TBC1D31: variants seen among roughly 807,000 people sequenced by gnomAD.
TBC1D31 encodes WD repeat domain 67.
A neutral mutation model predicts 132.9 loss-of-function variants in TBC1D31; 99 were observed. The ratio of observed to expected loss-of-function variants is 0.74; its 90% CI spans 0.63 to 0.88. TBC1D31 has a LOEUF of 0.88. Among genes scored for constraint, TBC1D31 ranks in the 40% least tolerant of loss-of-function variants. The pLI, the probability that TBC1D31 is intolerant of heterozygous loss-of-function variation, is 0.00. For synonymous variants in TBC1D31, 385 were observed against 419.4 expected (o/e 0.92, Z 1.00); for missense variants, 1,134 against 1,256.6 (o/e 0.90, Z 1.48).
In TBC1D31 at chr8:123,142,446, A is replaced by C; in HGVS notation, c.2825A>C (p.Glu942Ala). ...ATAATAAATGCAATGGTGGAGGAGG[A>C]AGCCAAGAAGGTAAAAAATAGTGTT... ...IEIINAMVEEEAKKWKEAEGK... is the reference protein window; with the variant it reads ...IEIINAMVEEAAKKWKEAEGK... Residue 942 changes from glutamate (E) to alanine (A), a missense_variant, in exon 19 of 22, where the codon GAA becomes GCA. Coordinates refer to ENST00000287380, the MANE Select transcript of TBC1D31 (RefSeq NM_145647.4). 6.4e-7 allele frequency: 1 copy of C among 1,564,530 alleles called. No homozygotes were observed. The highest frequency in any genetic ancestry group is 8.6e-7 in the Non-Finnish European group (1 of 1,160,700).
At chr8:123,102,226 T>C (rs750821181) in intron 7 of TBC1D31, 5 of 456,656 alleles carry the variant, frequency 1.1e-5, no homozygotes, top group African/African-American at 2.0e-5. Flanking sequence ...TCACCTGGTC[T>C]AACCCTTTCA....
At chr8:123,090,267 A>G (rs1283785935) in intron 4 of TBC1D31, among the ~76,000 whole-genome samples, 1 of 152,230 alleles carries the variant, frequency 6.6e-6, no homozygotes, top group Non-Finnish European at 1.5e-5. Flanking sequence ...ATATTAAGTA[A>G]TTTGTTCAGT....
intron 16 of TBC1D31, among the ~76,000 whole-genome samples, chr8:123,131,600 G>C (rs1305238406): frequency 2.6e-5 from 4 of 151,954 alleles, no homozygotes; most frequent in Non-Finnish European, 4.4e-5. Context: ...TGAATTAATA[G>C]CTTATTTAAT....
intron 20 of TBC1D31, among the ~76,000 whole-genome samples, chr8:123,145,462 T>C (rs774748172): frequency 9.9e-5 from 15 of 152,208 alleles, no homozygotes; most frequent in Non-Finnish European, 1.9e-4. Flanking sequence ...AGAACAACAG[T>C]ATATTCAAGT....
chr8:123,081,383 A>G (rs557801176), intron 2 of TBC1D31, among the ~76,000 whole-genome samples: 1 of 77,632 alleles, frequency 1.3e-5, no homozygotes, highest in East Asian at 3.0e-4. Flanking sequence ...AATCTTCTAG[A>G]TTGGGCTCCC....
rs1818233120 is a variant in TBC1D31, at chr8:123,109,206, T to C, written c.1210-111T>C. The C allele has an allele frequency of 1.3e-5, 9 of 717,524 alleles. No individual in the cohort carries two copies. The South Asian group carries it at 1.6e-4, about 13-fold the overall frequency. The allele number at this position is 717,524 out of a possible 1,614,324, so 44.4% of individuals were successfully genotyped here. ...AGACCTATGATACACAAATATGTCT[T>C]ACTATGTGTTGTTTTCTAAAGTTGG... On this transcript the variant is annotated intron_variant, in intron 8 of 21. Transcript: ENST00000287380.
chr8:123,105,425 A>G lies in TBC1D31; in HGVS notation c.1170A>G (p.Ile390Met). The change falls in exon 8 of 22, where the codon ATA becomes ATG. Residue 390 changes from isoleucine (I) to methionine (M), a missense_variant. Ile to Met is a conservative substitution (Grantham distance 10). Coordinates refer to ENST00000287380, the MANE Select transcript of TBC1D31 (RefSeq NM_145647.4). The part of the protein sequence containing the change: ...KSRESKMQTR[I>M]LKQDLTGDFE... ...GGGAAAGCAAAATGCAAACTAGAAT[A>G]TTAAAACAAGACCTGACTGGTGATT... The G allele has an allele frequency of 1.2e-6, 2 of 1,612,356 alleles. No individual in the cohort carries two copies. The highest frequency in any genetic ancestry group is 8.5e-7 in the Non-Finnish European group (1 of 1,179,208).
chr8:123,103,941 T>C (rs1186353777), intron 7 of TBC1D31: 1 of 152,224 alleles, frequency 6.6e-6, no homozygotes, highest in African/African-American at 2.4e-5. Flanking sequence ...TTCAATTCTA[T>C]ATTCTCTATA....
downstream of TBC1D31, among the ~76,000 whole-genome samples, chr8:123,153,082 T>A (rs1453513539): frequency 6.6e-6 from 1 of 152,122 alleles, no homozygotes; most frequent in Non-Finnish European, 1.5e-5. Flanking sequence ...TTCCCAAGAG[T>A]ATTTTTCTCA....
intron 10 of TBC1D31, among the ~76,000 whole-genome samples, chr8:123,117,731 C>T (rs1458336459): frequency 2.4e-5 from 3 of 126,422 alleles, no homozygotes; most frequent in East Asian, 4.8e-4. Flanking sequence ...CCAGCCTGGG[C>T]GACAGAGCGA....
intron 6 of TBC1D31, among the ~76,000 whole-genome samples, chr8:123,098,585 G>A (rs1339724816): frequency 6.6e-6 from 1 of 152,202 alleles, no homozygotes; most frequent in African/African-American, 2.4e-5. Context: ...ACTGCGCCCA[G>A]TCTACCTTTT....
chr8:123,113,909 C>G (rs1009130675), intron 10 of TBC1D31, among the ~76,000 whole-genome samples: 1 of 152,042 alleles, frequency 6.6e-6, no homozygotes, highest in Admixed American at 6.6e-5. Context: ...AATGAGTGAG[C>G]CTTTTTTTTC....
intron 4 of TBC1D31, among the ~76,000 whole-genome samples, chr8:123,090,197 T>G (rs1816195652): frequency 1.3e-5 from 2 of 152,222 alleles, no homozygotes; most frequent in African/African-American, 2.4e-5. Context: ...TAGATATTAT[T>G]ATCCCCATTT....
intron 4 of TBC1D31, among the ~76,000 whole-genome samples, chr8:123,088,257 G>A (rs1042388306): frequency 6.6e-6 from 1 of 151,830 alleles, no homozygotes; most frequent in Non-Finnish European, 1.5e-5. Flanking sequence ...TTTCTTAAAG[G>A]GCCAGTAAAT....
intron 1 of TBC1D31, among the ~76,000 whole-genome samples, chr8:123,074,529 T>C (rs1009911777): frequency 1.3e-5 from 2 of 152,232 alleles, no homozygotes; most frequent in Non-Finnish European, 2.9e-5. Flanking sequence ...CTCCCACCTC[T>C]GGTATTCTCT....
chr8:123,155,178 G>T (rs1018524857), downstream of TBC1D31, among the ~76,000 whole-genome samples: 1 of 152,074 alleles, frequency 6.6e-6, no homozygotes, highest in East Asian at 1.9e-4. The surrounding 1 kb of genome is among the most constrained non-coding windows in gnomAD (Gnocchi z 4.1). Context: ...GGAATGTAGG[G>T]GTGGATTGAT....
chr8:123,117,688 G>T (rs1180398348), intron 10 of TBC1D31, among the ~76,000 whole-genome samples: 1 of 149,234 alleles, frequency 6.7e-6, no homozygotes, highest in African/African-American at 2.5e-5. Flanking sequence ...GGGAGGCGGA[G>T]GTTGCAGTGA....
At chr8:123,155,883 A>C (rs564822197), downstream of TBC1D31, among the ~76,000 whole-genome samples, 11 of 152,366 alleles carry the variant, frequency 7.2e-5, no homozygotes, top group African/African-American at 2.2e-4. The surrounding 1 kb of genome is among the most constrained non-coding windows in gnomAD (Gnocchi z 4.1). Context: ...TGAAAGTCAC[A>C]GCTAATGGTG....
intron 20 of TBC1D31, among the ~76,000 whole-genome samples, chr8:123,148,872 A>G (rs1000189035): frequency 2.6e-5 from 4 of 152,000 alleles, no homozygotes; most frequent in East Asian, 3.9e-4. Flanking sequence ...CCTGGCCAAC[A>G]TGGTGAAACC....
Sources: gnomAD v4.1 joint callset for allele counts (sites outside exome capture counted in the v4.1 genomes callset) on GRCh38, gnomAD v4.1.1 for gene constraint, Gnocchi (gnomAD v3.1) non-coding constraint, MANE v1.5 for transcripts, NCBI Gene and HGNC (gene_info 2026-07-23, HGNC 2026-07-21) for gene names.